Variants in DPP10 observed in about 807,000 individuals in gnomAD.
DPP10 encodes the protein inactive dipeptidyl peptidase 10.
DPP10 carries 33 observed loss-of-function variants against 120.9 expected under a neutral mutation model. The ratio of observed to expected loss-of-function variants is 0.27; its 90% CI spans 0.21 to 0.37. The LOEUF (loss-of-function observed/expected upper bound fraction) is 0.37, where lower values mean the gene tolerates loss of function less well. Ranked by LOEUF, DPP10 falls within the 10% of genes least tolerant of loss-of-function variation. DPP10 has a pLI of 1.00. For synonymous variants in DPP10, 337 were observed against 326.1 expected (o/e 1.03, Z -0.36); for missense variants, 816 against 942.8 (o/e 0.87, Z 1.76).
chr2:114,475,984 A>C (rs1246617046), intron 1 of DPP10, among the ~76,000 whole-genome samples: 2 of 152,180 alleles, frequency 1.3e-5, no homozygotes, highest in African/African-American at 2.4e-5. Context: ...TGTTTCACAA[A>C]CCATCAGAGG....
intron 1 of DPP10, among the ~76,000 whole-genome samples, chr2:114,705,749 A>C (rs1185192181): frequency 6.6e-6 from 1 of 152,218 alleles, no homozygotes; most frequent in Non-Finnish European, 1.5e-5. Flanking sequence ...CTAGGATGCT[A>C]TCAGTGGCAA....
chr2:114,668,993 C>G (rs2105614731), intron 1 of DPP10, among the ~76,000 whole-genome samples: 1 of 152,236 alleles, frequency 6.6e-6, no homozygotes, highest in South Asian at 2.1e-4. Context: ...AGACTCCATC[C>G]AGGACGAGGG....
intron 1 of DPP10, among the ~76,000 whole-genome samples, chr2:114,671,842 A>G (rs1180014065): frequency 6.6e-6 from 1 of 152,124 alleles, no homozygotes; most frequent in Non-Finnish European, 1.5e-5. Context: ...AAAAAAATAT[A>G]TTAAGCATCT....
chr2:114,585,946 A>G (rs1244956004), intron 1 of DPP10, among the ~76,000 whole-genome samples: 2 of 152,202 alleles, frequency 1.3e-5, no homozygotes, highest in Non-Finnish European at 2.9e-5. Flanking sequence ...GGAATTCATA[A>G]CATATAAACA....
At chr2:115,015,413 T>C (rs1702563696) in intron 1 of DPP10, among the ~76,000 whole-genome samples, 1 of 152,202 alleles carries the variant, frequency 6.6e-6, no homozygotes, top group Admixed American at 6.5e-5. Flanking sequence ...GGGCAAAGGC[T>C]GGAAGCATTC....
chr2:115,531,272 G>T (rs1405226489), intron 5 of DPP10, among the ~76,000 whole-genome samples: 1 of 151,888 alleles, frequency 6.6e-6, no homozygotes, highest in Non-Finnish European at 1.5e-5. Context: ...GAAACTCTAG[G>T]AGTGGGCCCA....
At chr2:115,668,651 G>C (rs183363626) in intron 5 of DPP10, among the ~76,000 whole-genome samples, 22 of 152,186 alleles carry the variant, frequency 1.4e-4, no homozygotes, top group African/African-American at 4.6e-4. Flanking sequence ...TATGTTTAAA[G>C]GGTGGGCTGG....
intron 1 of DPP10, among the ~76,000 whole-genome samples, chr2:115,261,758 G>T (rs1246397386): frequency 6.6e-6 from 1 of 152,114 alleles, no homozygotes; most frequent in Non-Finnish European, 1.5e-5. Context: ...CTGCTGTGTG[G>T]CAGAGTATCT....
intron 1 of DPP10, among the ~76,000 whole-genome samples, chr2:114,960,366 G>GTATATATATATATATATATATATATATA (rs149462158): frequency 4.2e-5 from 6 of 143,808 alleles, no homozygotes; most frequent in African/African-American, 1.5e-4. Context: ...GTGTATGTGC[G>GTATATATATATATATATATATATATATA]TATATATATA....
chr2:115,791,395 A>T, intron 19 of DPP10, 39 bp downstream of exon 19: 1 of 1,527,036 alleles, frequency 6.5e-7, no homozygotes, highest in East Asian at 2.3e-5. Flanking sequence ...AGGAATCTAA[A>T]GATTTTATAT....
rs577487753 is a variant in DPP10 at position 115,231,281 on chromosome 2, C to T, written c.61-77958C>T. 9.2e-5 allele frequency among the ~76,000 whole-genome samples: 14 copies of T among 152,064 alleles called. No homozygotes were observed. The East Asian group carries it at 2.7e-3, about 29-fold the overall frequency. ...TGTTTAAAACACGAATGTCCATATT[C>T]TTTTACTTTATTCCATGATATATGA... is the stretch of plus-strand genomic sequence containing the variant. On this transcript the variant is annotated intron_variant, in intron 1 of 25. Transcript: ENST00000410059.
intron 1 of DPP10, among the ~76,000 whole-genome samples, chr2:115,023,735 AT>A (rs1418759445): frequency 2.6e-5 from 4 of 152,172 alleles, no homozygotes; most frequent in East Asian, 1.9e-4. Context: ...TTGCAAAAAA[AT>A]ATTAGATCAG....
intron 3 of DPP10, among the ~76,000 whole-genome samples, chr2:115,355,290 T>A (rs557898175): frequency 1.1e-4 from 16 of 152,328 alleles, no homozygotes; most frequent in African/African-American, 3.4e-4. Context: ...GTGGTTTTGA[T>A]TTGCATTTCT....
At chr2:114,694,572 A>G (rs1243511021) in intron 1 of DPP10, among the ~76,000 whole-genome samples, 1 of 152,014 alleles carries the variant, frequency 6.6e-6, no homozygotes, top group Non-Finnish European at 1.5e-5. Context: ...TATTTATTCC[A>G]CAAACATTTG....
chr2:114,839,376 T>C (rs1310666979), intron 1 of DPP10, among the ~76,000 whole-genome samples: 2 of 152,198 alleles, frequency 1.3e-5, no homozygotes, highest in Non-Finnish European at 1.5e-5. Context: ...GCTAAACACA[T>C]ATAATAAGGA....
At chr2:115,031,937 G>T (rs780097571) in intron 1 of DPP10, among the ~76,000 whole-genome samples, 1 of 152,074 alleles carries the variant, frequency 6.6e-6, no homozygotes, top group Non-Finnish European at 1.5e-5. Flanking sequence ...AGGTGTTGTT[G>T]CTGAATTATT....
intron 1 of DPP10, among the ~76,000 whole-genome samples, chr2:114,772,515 C>T (rs1219176411): frequency 6.6e-6 from 1 of 152,128 alleles, no homozygotes; most frequent in Non-Finnish European, 1.5e-5. Context: ...AGGCCTTTAT[C>T]AGACAGAGAG....
At chr2:114,494,101 C>CAAAAAAAAAAAAAAA (rs58552540) in intron 1 of DPP10, among the ~76,000 whole-genome samples, 4 of 77,186 alleles carry the variant, frequency 5.2e-5, no homozygotes, top group African/African-American at 1.5e-4. Flanking sequence ...AGCAATAAGG[C>CAAAAAAAAAAAAAAA]AAAAAAAAAA....
At chr2:115,204,693 C>T (rs1462492943) in intron 1 of DPP10, among the ~76,000 whole-genome samples, 1 of 152,084 alleles carries the variant, frequency 6.6e-6, no homozygotes, top group African/African-American at 2.4e-5. Context: ...AAGGAAGCAA[C>T]TCAGTTTCAT....
Sources: allele counts gnomAD v4.1 joint callset (sites outside exome capture counted in the v4.1 genomes callset), GRCh38; gene constraint gnomAD v4.1.1; transcripts MANE v1.5; gene names NCBI Gene and HGNC (gene_info 2026-07-23, HGNC 2026-07-21).